Variants in NFATC2 observed in about 807,000 individuals in gnomAD.
The protein encoded by NFATC2 is nuclear factor of activated T cells 2.
Under a neutral mutation model 87.3 loss-of-function variants are expected in NFATC2, and 22 were observed. The ratio of observed to expected loss-of-function variants is 0.25; its 90% CI spans 0.18 to 0.36. NFATC2 has a LOEUF of 0.36. NFATC2 is among the 10% of genes least tolerant of loss of function. The probability of loss-of-function intolerance (pLI) is 1.00; values close to 1 mark genes in which losing one functional copy is unlikely to be tolerated. For synonymous variants in NFATC2, 565 were observed against 542.2 expected, an observed-to-expected ratio of 1.04 and a Z score of -0.58; for missense variants, 1,149 against 1,259.1, an observed-to-expected ratio of 0.91 and a Z score of 1.32.
At chr20:51,472,624 T>G (rs1600814706) in intron 5 of NFATC2, among the ~76,000 whole-genome samples, 1 of 147,510 alleles carries the variant, frequency 6.8e-6, no homozygotes, top group Non-Finnish European at 1.5e-5. Flanking sequence ...TTTTTCTTCT[T>G]TCTTCTTTTT....
At chr20:51,431,621 C>A (rs1430438451) in intron 9 of NFATC2, among the ~76,000 whole-genome samples, 1 of 152,124 alleles carries the variant, frequency 6.6e-6, no homozygotes, top group Non-Finnish European at 1.5e-5. Flanking sequence ...CTTTTCCTCC[C>A]TCTCCCTCCC....
chr20:51,401,247 G>A (rs1600660859), intron 9 of NFATC2, among the ~76,000 whole-genome samples: 3 of 152,118 alleles, frequency 2.0e-5, no homozygotes, highest in Admixed American at 1.3e-4. Context: ...GCAGGTGCCT[G>A]TAACCTCAGC....
chr20:51,480,319 GGA>G lies in NFATC2; in HGVS notation c.1333-4661_1333-4660del, dbSNP rs766000702. 2.0e-4 allele frequency among the ~76,000 whole-genome samples: 30 copies of G among 148,250 alleles called. No individual in the cohort carries two copies. Among genetic ancestry groups the G allele is most frequent in the African/African-American group, 4.1e-4 (16 of 38,974 alleles). On this transcript the variant is annotated intron_variant, in intron 3 of 10. Coordinates refer to ENST00000371564, the MANE Select transcript of NFATC2 (RefSeq NM_012340.5). This position sits in a 1 kb window ranked among gnomAD's most constrained non-coding sequence, Gnocchi z 4.2. Reference sequence around the variant, plus strand: ...AATAGAATGTGCTTCCTGCCGCACAGGAGAGAGAGTGGGGCAGGAAGGAGGGA... The same window carrying G: ...AATAGAATGTGCTTCCTGCCGCACAGGAGAGAGTGGGGCAGGAAGGAGGGA...
chr20:51,495,724 A>G (rs1402415022), intron 3 of NFATC2, among the ~76,000 whole-genome samples: 1 of 152,182 alleles, frequency 6.6e-6, no homozygotes, highest in Non-Finnish European at 1.5e-5. Context: ...GTTTGAAGCC[A>G]ATAGTAAACA....
At chr20:51,469,903 T>TG (rs1988039855) in intron 5 of NFATC2, among the ~76,000 whole-genome samples, 2 of 152,204 alleles carry the variant, frequency 1.3e-5, no homozygotes, top group Non-Finnish European at 2.9e-5. Flanking sequence ...ATTTCTGTTG[T>TG]TTCAAGCCAC....
At chr20:51,561,366 G>A in intron 1 of NFATC2, among the ~76,000 whole-genome samples, 1 of 133,734 alleles carries the variant, frequency 7.5e-6, no homozygotes, top group African/African-American at 2.8e-5. Context: ...AGAAAAGAAA[G>A]AAAGAGAGAG....
At chr20:51,419,692 TTGCAAGCACTAAC>T (rs1346864262) in intron 9 of NFATC2, among the ~76,000 whole-genome samples, 1 of 152,186 alleles carries the variant, frequency 6.6e-6, no homozygotes, top group African/African-American at 2.4e-5. Context: ...CTCCCCTGCC[TTGCAAGCACTAAC>T]TGCTTTGGAA....
intron 5 of NFATC2, among the ~76,000 whole-genome samples, chr20:51,460,687 G>A (rs563060949): frequency 1.3e-5 from 2 of 150,586 alleles, no homozygotes; most frequent in Non-Finnish European, 3.0e-5. Context: ...TGCCTAGGCT[G>A]ATCTCAAACA....
intron 10 of NFATC2, among the ~76,000 whole-genome samples, chr20:51,398,422 G>T (rs142468729): frequency 6.6e-6 from 1 of 152,030 alleles, no homozygotes; most frequent in African/African-American, 2.4e-5. Flanking sequence ...AGTTAATGGG[G>T]CCTCATCCCC....
chr20:51,501,917 A>C (rs975850777), intron 3 of NFATC2, among the ~76,000 whole-genome samples: 38 of 152,266 alleles, frequency 2.5e-4, no homozygotes, highest in Non-Finnish European at 4.3e-4. Flanking sequence ...GCAGTGGTAC[A>C]AAAGCAACCA....
At chr20:51,538,540 A>G (rs1166788552) in intron 1 of NFATC2, among the ~76,000 whole-genome samples, 1 of 152,224 alleles carries the variant, frequency 6.6e-6, no homozygotes, top group Non-Finnish European at 1.5e-5. Context: ...CAATTAGACA[A>G]GAGAAAACAA....
intron 3 of NFATC2, among the ~76,000 whole-genome samples, chr20:51,487,591 C>T (rs909186345): frequency 2.4e-4 from 37 of 152,196 alleles, no homozygotes; most frequent in African/African-American, 8.7e-4. Context: ...AAGCTCTGGC[C>T]TCTCCTCTTT....
intron 9 of NFATC2, among the ~76,000 whole-genome samples, chr20:51,406,786 T>A (rs543933782): frequency 2.0e-5 from 3 of 152,178 alleles, no homozygotes; most frequent in African/African-American, 7.2e-5. Flanking sequence ...CTTAGCTCCA[T>A]AGCGGCGCCT....
rs6013203 is a variant in NFATC2 at position 51,504,218 on chromosome 20, C to T, written c.1332+12566G>A. 4.8e-3 allele frequency among the ~76,000 whole-genome samples: 738 copies of T among 152,290 alleles called. 12 individuals carry two copies. Among genetic ancestry groups the T allele is most frequent in the African/African-American group, 0.016 (683 of 41,556 alleles). ...TGTATTTTTAGTAGAGATGGGGTTT[C>T]TCCATGTTGGTCAGGCTGGTCTCGA... is the stretch of plus-strand genomic sequence containing the variant. On this transcript the variant is annotated intron_variant, in intron 3 of 10. Transcript: ENST00000371564.
At chr20:51,429,466 A>T (rs1275694949) in intron 9 of NFATC2, among the ~76,000 whole-genome samples, 1 of 152,250 alleles carries the variant, frequency 6.6e-6, no homozygotes, top group Non-Finnish European at 1.5e-5. Flanking sequence ...ACTATGGCAC[A>T]GGGGACAGGG....
chr20:51,408,443 G>C (rs1176450112), intron 9 of NFATC2, among the ~76,000 whole-genome samples: 1 of 151,184 alleles, frequency 6.6e-6, no homozygotes, highest in Non-Finnish European at 1.5e-5. Context: ...GAACCCAGGA[G>C]GCGTAGGTTG....
At chr20:51,477,062 T>C (rs1025808880) in intron 3 of NFATC2, among the ~76,000 whole-genome samples, 1 of 152,074 alleles carries the variant, frequency 6.6e-6, no homozygotes, top group African/African-American at 2.4e-5. Flanking sequence ...GGAGAAACAC[T>C]GTATATGCAG....
chr20:51,448,321 G>A (rs528177223), intron 6 of NFATC2, among the ~76,000 whole-genome samples: 1 of 152,296 alleles, frequency 6.6e-6, no homozygotes, highest in South Asian at 2.1e-4. Flanking sequence ...AGACTGGGAG[G>A]AATAGGAGGC....
intron 9 of NFATC2, among the ~76,000 whole-genome samples, chr20:51,402,923 TATTTATTGA>T (rs569889240): frequency 1.2e-3 from 181 of 152,332 alleles, no homozygotes; most frequent in African/African-American, 4.1e-3. Context: ...ATTCACTGGA[TATTTATTGA>T]ATTTCCAGTC....
Sources: allele counts gnomAD v4.1 joint callset (sites outside exome capture counted in the v4.1 genomes callset), GRCh38; gene constraint gnomAD v4.1.1; non-coding constraint Gnocchi (gnomAD v3.1); transcripts MANE v1.5; gene names NCBI Gene and HGNC (gene_info 2026-07-23, HGNC 2026-07-21).